DGKI: variants seen among roughly 807,000 people sequenced by gnomAD.
The protein encoded by DGKI is DAG kinase iota.
In DGKI, 55 loss-of-function variants were observed where a neutral mutation model predicts 147.5. The ratio of observed to expected loss-of-function variants is 0.37; its 90% CI spans 0.30 to 0.47. The LOEUF (loss-of-function observed/expected upper bound fraction) is 0.47, where lower values mean the gene tolerates loss of function less well. Ranked by LOEUF, DGKI falls within the 20% of genes least tolerant of loss-of-function variation. The pLI is 1.00. For missense variants in DGKI, 1,007 were observed against 1,323.8 expected, an observed-to-expected ratio of 0.76 and a Z score of 3.71; for synonymous variants, 469 against 477.1, an observed-to-expected ratio of 0.98 and a Z score of 0.22.
intron 28 of DGKI, among the ~76,000 whole-genome samples, chr7:137,414,175 G>A (rs890260529): frequency 6.6e-6 from 1 of 152,156 alleles, no homozygotes; most frequent in African/African-American, 2.4e-5. Context: ...AGTCCTGGGT[G>A]AGCAGATGCA....
intron 1 of DGKI, among the ~76,000 whole-genome samples, chr7:137,699,901 C>T (rs2116505114): frequency 6.6e-6 from 1 of 152,312 alleles, no homozygotes; most frequent in Admixed American, 6.5e-5. Flanking sequence ...AACTGTCCCT[C>T]ATAAGGCTAT....
chr7:137,746,686 A>G (rs899145292), intron 1 of DGKI, among the ~76,000 whole-genome samples: 4 of 152,158 alleles, frequency 2.6e-5, no homozygotes, highest in South Asian at 4.1e-4. Flanking sequence ...CGAGCTAAGA[A>G]CTAGCAGAAA....
At chr7:137,517,251 AAAAAGAAAGAAAGAAAGAAAGAAAAG>A (rs1364437140) in intron 21 of DGKI, among the ~76,000 whole-genome samples, 77 of 127,872 alleles carry the variant, frequency 6.0e-4, no homozygotes, top group South Asian at 2.9e-3. Context: ...GAAAGAAAAG[AAAAAGAAAGAAAGAAAGAAAGAAAAG>A]AAAAAGAAAG....
chr7:137,549,635 G>A (rs1008857418), intron 20 of DGKI, among the ~76,000 whole-genome samples: 1 of 152,188 alleles, frequency 6.6e-6, no homozygotes, highest in Non-Finnish European at 1.5e-5. Context: ...TTTCTTCATT[G>A]TTTCAAATGG....
At chr7:137,693,916 A>C (rs1823694164) in intron 1 of DGKI, among the ~76,000 whole-genome samples, 1 of 152,276 alleles carries the variant, frequency 6.6e-6, no homozygotes. Flanking sequence ...TGTGGTCAAC[A>C]TTAAAATGGA....
chr7:137,551,557 C>T (rs1818045388), intron 20 of DGKI, among the ~76,000 whole-genome samples: 1 of 152,106 alleles, frequency 6.6e-6, no homozygotes, highest in African/African-American at 2.4e-5. Flanking sequence ...AAGCACATAG[C>T]ATGATATAGA....
chr7:137,629,056 A>G (rs1256457032), intron 6 of DGKI, among the ~76,000 whole-genome samples: 1 of 152,228 alleles, frequency 6.6e-6, no homozygotes, highest in African/African-American at 2.4e-5. Context: ...ACTTTAAACA[A>G]CAAAATAAAC....
rs192943510 is a variant in DGKI, at chr7:137,722,056, G to T, written c.402-32054C>A. ...ACCTGAAGCCAAGAAGGCTGATGCT[G>T]GTGGCAAGGTGAAAAAGGGTAACCT... On this transcript the variant is annotated intron_variant, in intron 1 of 32. Transcript: ENST00000614521. 1.9e-6 allele frequency: 3 copies of T among 1,596,428 alleles called. No individual in the cohort carries two copies. The Admixed American group carries it at 5.0e-5, about 27-fold the overall frequency.
chr7:137,769,699 A>C (rs1796125816), intron 1 of DGKI, among the ~76,000 whole-genome samples: 1 of 152,258 alleles, frequency 6.6e-6, no homozygotes. Context: ...GAAGACATTT[A>C]TGCGGCCAAC....
chr7:137,647,631 T>G (rs548966891), intron 5 of DGKI, among the ~76,000 whole-genome samples: 1 of 152,208 alleles, frequency 6.6e-6, no homozygotes, highest in Non-Finnish European at 1.5e-5. Flanking sequence ...TGCCCAGTTA[T>G]CAGTATCTAT....
chr7:137,413,934 C>T (rs2128902315), intron 28 of DGKI, among the ~76,000 whole-genome samples: 1 of 152,314 alleles, frequency 6.6e-6, no homozygotes, highest in Admixed American at 6.5e-5. Flanking sequence ...CCCACAGCCT[C>T]ACCAACATCT....
chr7:137,841,562 G>A lies in DGKI; in HGVS notation c.401+4900C>T, dbSNP rs558211054. On this transcript the variant is annotated intron_variant, in intron 1 of 32. Transcript: ENST00000614521. The stretch of plus-strand genomic sequence containing the variant: ...CAGGAAAAATAATTAGTCTCCACAG[G>A]ATCAGTGTTACCAACACATACCCAT... Among the ~76,000 whole-genome samples the A allele has an allele frequency of 8.5e-5, 13 of 152,252 alleles. No individual in the cohort carries two copies. In the East Asian group the frequency reaches 2.5e-3, roughly 29 times the overall value.
At chr7:137,722,816 T>G (rs1794608295) in intron 1 of DGKI, 6 of 1,246,936 alleles carry the variant, frequency 4.8e-6, no homozygotes, top group Non-Finnish European at 7.0e-6. Flanking sequence ...GTGGTTGCCC[T>G]GACGAATGGA....
chr7:137,587,005 A>T (rs1819426238), intron 13 of DGKI, 92 bp downstream of exon 13: 4 of 924,450 alleles, frequency 4.3e-6, no homozygotes, highest in South Asian at 4.5e-5. Context: ...GGACAGCAGC[A>T]GCAGTACCCC....
chr7:137,569,808 T>A (rs1274435254), intron 19 of DGKI, among the ~76,000 whole-genome samples: 2 of 138,984 alleles, frequency 1.4e-5, no homozygotes, highest in East Asian at 2.2e-4. Flanking sequence ...CTAAACTTAA[T>A]CCTATTTGCT....
chr7:137,576,359 TTAGAA>T (rs149467534), intron 17 of DGKI, among the ~76,000 whole-genome samples: 4,521 of 152,200 alleles, frequency 0.03, 198 homozygotes, highest in East Asian at 0.11. Context: ...TTCTTATTCT[TTAGAA>T]TAAGATAAAT....
chr7:137,702,353 G>C (rs1472825807), intron 1 of DGKI, among the ~76,000 whole-genome samples: 2 of 152,068 alleles, frequency 1.3e-5, no homozygotes, highest in African/African-American at 4.8e-5. Flanking sequence ...GACATGTCAA[G>C]CAATACTTCT....
At chr7:137,730,528 C>T (rs1421781184) in intron 1 of DGKI, among the ~76,000 whole-genome samples, 1 of 152,032 alleles carries the variant, frequency 6.6e-6, no homozygotes, top group African/African-American at 2.4e-5. Context: ...TCCATCCTTC[C>T]CAAAATATGA....
At chr7:137,470,135 AC>A (rs1242454941) in intron 23 of DGKI, among the ~76,000 whole-genome samples, 1 of 152,182 alleles carries the variant, frequency 6.6e-6, no homozygotes, top group Non-Finnish European at 1.5e-5. Flanking sequence ...GTCATCTCTA[AC>A]CTCAGCCTTC....
Sources: allele counts gnomAD v4.1 joint callset (sites outside exome capture counted in the v4.1 genomes callset), GRCh38; gene constraint gnomAD v4.1.1; transcripts MANE v1.5; gene names NCBI Gene and HGNC (gene_info 2026-07-23, HGNC 2026-07-21).